Variants in SLC11A2 observed in about 807,000 individuals in gnomAD.
The protein encoded by SLC11A2 is solute carrier family 11 member 2, also known as natural resistance-associated macrophage protein 2.
SLC11A2 carries 38 observed loss-of-function variants against 68.0 expected under a neutral mutation model. The ratio of observed to expected loss-of-function variants is 0.56; its 90% CI spans 0.43 to 0.73. The LOEUF is 0.73. Ranked by LOEUF, SLC11A2 falls within the 30% of genes least tolerant of loss-of-function variation. SLC11A2 has a pLI of 0.00. For missense variants in SLC11A2, 517 were observed against 690.5 expected (o/e 0.75, Z 2.82); for synonymous variants, 242 against 250.6 (o/e 0.97, Z 0.32).
At chr12:51,026,424 G>T (rs1445412017), upstream of SLC11A2, 5 of 1,147,926 alleles carry the variant, frequency 4.4e-6, no homozygotes, top group South Asian at 3.9e-5. Context: ...TCGACAGGAC[G>T]GCAGCCGCAC....
Position 51,026,381 on chromosome 12 carries a change from C to A in SLC11A2, c.-110G>T, listed in dbSNP as rs6580779. 1,190,348 of 1,277,586 alleles carry A rather than the reference C, an allele frequency of 0.93. 555,325 individuals are homozygous for A. The highest frequency in any genetic ancestry group is 0.98 in the East Asian group (17,492 of 17,810). The allele number at this position is 1,277,586 out of a possible 1,614,324, so 79.1% of individuals were successfully genotyped here. Reference sequence around the variant, plus strand: ...CTCCATATTCCGGGAGCCAGCGCCACGCTGGCTAACGCCCTCCCCTCCCCG... The same window carrying A: ...CTCCATATTCCGGGAGCCAGCGCCAAGCTGGCTAACGCCCTCCCCTCCCCG... On this transcript the variant is annotated 5_prime_UTR_variant, in exon 1 of 16. Transcript: ENST00000262052.
rs537085025 is a variant in SLC11A2, at chr12:51,026,355, G to A, written c.-84C>T. 2.3e-4 allele frequency: 291 copies of A among 1,281,870 alleles called. 2 individuals are homozygous for A. In the African/African-American group the frequency reaches 4.0e-3, roughly 18 times the overall value. The allele number at this position is 1,281,870 out of a possible 1,614,324, so 79.4% of individuals were successfully genotyped here. ...CTGACACGCCGCCCCCGCGCCCAGG[G>A]CTCCATATTCCGGGAGCCAGCGCCA... On this transcript the variant is annotated 5_prime_UTR_variant, in exon 1 of 16. Transcript: ENST00000262052.
intron 3 of SLC11A2, among the ~76,000 whole-genome samples, chr12:51,007,766 G>A (rs571197608): frequency 5.3e-5 from 8 of 152,188 alleles, no homozygotes; most frequent in South Asian, 4.1e-4. Context: ...TCAGCCTCCC[G>A]AGTAGCTGGG....
chr12:50,985,050 A>G (rs1940416379), downstream of SLC11A2, among the ~76,000 whole-genome samples: 1 of 152,180 alleles, frequency 6.6e-6, no homozygotes, highest in Admixed American at 6.5e-5. Context: ...ATCTACATAG[A>G]GGCTGATCCT....
the SLC11A2 span, among the ~76,000 whole-genome samples, chr12:50,962,382 G>C: frequency 6.6e-6 from 1 of 151,900 alleles, no homozygotes; most frequent in Non-Finnish European, 1.5e-5. Context: ...TTGCACTCCA[G>C]CCTGGGCAAT....
At chr12:50,962,156 C>A in the SLC11A2 span, among the ~76,000 whole-genome samples, 27,774 of 151,948 alleles carry the variant, frequency 0.18, 2,885 homozygotes, top group East Asian at 0.5. Flanking sequence ...GATGCCGAGG[C>A]GGGCAGATCA....
downstream of SLC11A2, chr12:50,979,526 C>T (rs1592280863): frequency 5.4e-6 from 1 of 184,678 alleles, no homozygotes; most frequent in East Asian, 1.4e-4. Flanking sequence ...ACACTGGTTT[C>T]ATCTAGAGTT....
chr12:50,958,301 A>T, the SLC11A2 span, among the ~76,000 whole-genome samples: 5 of 98,704 alleles, frequency 5.1e-5, no homozygotes, highest in Non-Finnish European at 6.2e-5. Flanking sequence ...TTTTTTTTTT[A>T]GACGGAGTCT....
At position 51,008,570 on chromosome 12, in the gene SLC11A2, G is replaced by A. The variant is rs1442531090; in HGVS notation, c.89C>T (p.Ala30Val). 6.2e-7 allele frequency: 1 copy of A among 1,611,684 alleles called. No homozygotes were observed. Among genetic ancestry groups the A allele is most frequent in the Admixed American group, 1.7e-5 (1 of 59,982 alleles). ...CTGTGAAAGAGAGGGATTACTATAG[G>A]CAGGGTTGATGTTACCAAGACTGGC... ...ESASLGNINP[A>V]YSNPSLSQSP... Residue 30 changes from alanine to valine, a missense_variant, in exon 3 of 16, where the codon GCC (alanine) becomes GTC (valine). Ala to Val is a moderately conservative substitution (Grantham distance 64, BLOSUM62 0). Transcript: ENST00000262052.
chr12:51,023,550 C>T (rs1161453812), intron 1 of SLC11A2, among the ~76,000 whole-genome samples: 1 of 152,024 alleles, frequency 6.6e-6, no homozygotes, highest in African/African-American at 2.4e-5. Context: ...ACCTTTTTTC[C>T]CAGAATGTTT....
chr12:51,006,324 A>G (rs1942732029), intron 3 of SLC11A2: 1 of 163,116 alleles, frequency 6.1e-6, no homozygotes, highest in Non-Finnish European at 1.3e-5. Flanking sequence ...AAACAAACAA[A>G]CAAAAACCAG....
rs755823057 is a variant in SLC11A2 at position 51,002,638 on chromosome 12, CA to C, written c.429+2149del. On this transcript the variant is annotated intron_variant, in intron 5 of 15. Transcript: ENST00000262052. ...TGGGTGACAAAGCGAGACTTGGTCT[CA>C]AAAAAAAAAAAAAAGGGCAGAGCCA... is the stretch of plus-strand genomic sequence containing the variant. Among the ~76,000 whole-genome samples, 175 of 71,774 alleles carry C rather than the reference CA, an allele frequency of 2.4e-3. 8 individuals are homozygous for C. The highest frequency in any genetic ancestry group is 8.0e-3 in the African/African-American group (157 of 19,624). The allele number at this position is 71,774 out of a possible 152,430, so 47.1% of individuals were successfully genotyped here. A position where few individuals can be genotyped will look rare whatever the true frequency, so the allele number is the denominator to read the frequency against.
the SLC11A2 span, among the ~76,000 whole-genome samples, chr12:50,953,344 A>T: frequency 6.6e-6 from 1 of 152,242 alleles, no homozygotes. Flanking sequence ...GGGTGAACAC[A>T]ATAAGCTGCA....
At chr12:50,985,527 G>A (rs1360770166), downstream of SLC11A2, among the ~76,000 whole-genome samples, 2 of 152,122 alleles carry the variant, frequency 1.3e-5, no homozygotes, top group Non-Finnish European at 2.9e-5. Context: ...AATAAATGGT[G>A]TCAATATTTC....
chr12:51,019,722 ACTGTAG>A (rs1408511666), intron 1 of SLC11A2, among the ~76,000 whole-genome samples: 2 of 144,460 alleles, frequency 1.4e-5, no homozygotes, highest in Non-Finnish European at 3.0e-5. Flanking sequence ...GTCTCAGCTC[ACTGTAG>A]CTTCAACCTC....
At chr12:50,975,348 G>A (rs371554070), downstream of SLC11A2, among the ~76,000 whole-genome samples, 18 of 151,972 alleles carry the variant, frequency 1.2e-4, no homozygotes, top group East Asian at 1.9e-4. Flanking sequence ...ACTCAAAACC[G>A]CTCAACTACA....
At chr12:51,002,569 G>A (rs1942343911) in intron 5 of SLC11A2, among the ~76,000 whole-genome samples, 1 of 140,788 alleles carries the variant, frequency 7.1e-6, no homozygotes, top group South Asian at 2.3e-4. Context: ...AACCTGGGAG[G>A]TTGAGGTTAT....
downstream of SLC11A2, among the ~76,000 whole-genome samples, chr12:50,976,067 G>A (rs1353533455): frequency 4.0e-5 from 6 of 150,448 alleles, no homozygotes; most frequent in African/African-American, 7.4e-5. Context: ...AGAGGTACAA[G>A]GAGGAGCTGG....
chr12:50,974,284 T>G, the SLC11A2 span, among the ~76,000 whole-genome samples: 7 of 152,068 alleles, frequency 4.6e-5, no homozygotes, highest in African/African-American at 1.4e-4. Context: ...GACTAACAGC[T>G]GATCTCTTGG....
Sources: allele counts gnomAD v4.1 joint callset (sites outside exome capture counted in the v4.1 genomes callset), GRCh38; gene constraint gnomAD v4.1.1; transcripts MANE v1.5; gene names NCBI Gene and HGNC (gene_info 2026-07-23, HGNC 2026-07-21).